The following CLEC12A variants were observed in gnomAD, a reference collection of about 807,000 sequenced individuals.
The protein encoded by CLEC12A is C-type lectin domain family 12 member A.
CLEC12A carries 22 observed loss-of-function variants against 26.5 expected under a neutral mutation model. The ratio of observed to expected loss-of-function variants is 0.83; its 90% CI spans 0.59 to 1.19. The LOEUF (loss-of-function observed/expected upper bound fraction) is 1.19. Ranked by LOEUF, CLEC12A falls within the 50% of genes most tolerant of loss-of-function variation. The probability of loss-of-function intolerance (pLI) is 0.00; values close to 1 mark genes in which losing one functional copy is unlikely to be tolerated. For missense variants in CLEC12A, 353 were observed against 315.6 expected, an observed-to-expected ratio of 1.12 and a Z score of -0.90; for synonymous variants, 119 against 101.9, an observed-to-expected ratio of 1.17 and a Z score of -1.01.
downstream of CLEC12A, chr12:9,999,304 GAACACAAA>G: frequency 2.4e-6 from 1 of 412,862 alleles, no homozygotes; most frequent in Non-Finnish European, 4.3e-6. Flanking sequence ...CATGGACCTT[GAACACAAA>G]AACACAAAAA....
chr12:9,988,747 C>T (rs1234904531), downstream of CLEC12A, among the ~76,000 whole-genome samples: 3 of 152,182 alleles, frequency 2.0e-5, no homozygotes, highest in South Asian at 4.1e-4. Context: ...GAAATAGGAA[C>T]ACTTTTACAC....
chr12:9,996,350 G>A (rs1446577670), downstream of CLEC12A, among the ~76,000 whole-genome samples: 1 of 152,052 alleles, frequency 6.6e-6, no homozygotes, highest in Non-Finnish European at 1.5e-5. Flanking sequence ...CTTCAACCTG[G>A]CATCTGCCTA....
At chr12:9,957,695 A>G (rs1863765790) in intron 1 of CLEC12A, among the ~76,000 whole-genome samples, 1 of 152,188 alleles carries the variant, frequency 6.6e-6, no homozygotes, top group African/African-American at 2.4e-5. Context: ...GCAATCAGAT[A>G]TGCATTTGTT....
chr12:9,970,248 T>A (rs942936671), upstream of CLEC12A, among the ~76,000 whole-genome samples: 2 of 152,126 alleles, frequency 1.3e-5, no homozygotes, highest in African/African-American at 4.8e-5. Context: ...AGTTTTAAAA[T>A]TTTTTTGTTC....
At chr12:10,000,960 A>G in the CLEC12A span, among the ~76,000 whole-genome samples, 1 of 152,242 alleles carries the variant, frequency 6.6e-6, no homozygotes, top group African/African-American at 2.4e-5. Context: ...AACAGAGAGA[A>G]AAGAAAATGT....
intron 1 of CLEC12A, among the ~76,000 whole-genome samples, chr12:9,966,148 G>T (rs12231872): frequency 7.5e-4 from 114 of 152,084 alleles, no homozygotes; most frequent in African/African-American, 2.3e-3. Flanking sequence ...TTAGAAGCCT[G>T]GCCATCAGTA....
intron 1 of CLEC12A, among the ~76,000 whole-genome samples, chr12:9,975,203 G>A (rs1176454848): frequency 8.5e-5 from 13 of 152,178 alleles, no homozygotes; most frequent in African/African-American, 2.2e-4. Context: ...AGAGTAGGGC[G>A]CTGCTGTAAA....
downstream of CLEC12A, among the ~76,000 whole-genome samples, chr12:9,996,146 T>C (rs1865041159): frequency 6.6e-6 from 1 of 152,214 alleles, no homozygotes; most frequent in African/African-American, 2.4e-5. Context: ...AGATATTGTG[T>C]GAAAGTCACA....
chr12:9,984,843 A>G, intron 5 of CLEC12A, 27 bp from the exon 6 acceptor site: 1 of 1,404,034 alleles, frequency 7.1e-7, no homozygotes, highest in Non-Finnish European at 9.3e-7. Context: ...TGACTTGCCA[A>G]GTGTAATTCT....
chr12:9,979,148 G>T, intron 2 of CLEC12A, 84 bp downstream of exon 2: 2 of 1,196,736 alleles, frequency 1.7e-6, no homozygotes, highest in Non-Finnish European at 2.5e-6. Flanking sequence ...TTCAGTGGAA[G>T]ATTTATAATA....
downstream of CLEC12A, among the ~76,000 whole-genome samples, chr12:9,987,714 T>C (rs191808659): frequency 1.2e-3 from 177 of 152,326 alleles, no homozygotes; most frequent in African/African-American, 4.1e-3. Context: ...ACATCTTAAA[T>C]TTTATAATTC....
chr12:9,983,470 C>T (rs367586170), intron 5 of CLEC12A: 15 of 689,748 alleles, frequency 2.2e-5, no homozygotes, highest in African/African-American at 3.6e-5. Flanking sequence ...AAAGTCTTTA[C>T]ATATAAAAAT....
intron 5 of CLEC12A, 92 bp from the exon 6 acceptor site, chr12:9,984,778 A>G: frequency 2.6e-6 from 3 of 1,173,778 alleles, no homozygotes; most frequent in Non-Finnish European, 3.4e-6. Flanking sequence ...AGTCTAGGGC[A>G]ATAATATCAT....
chr12:10,002,865 A>G, the CLEC12A span, among the ~76,000 whole-genome samples: 1 of 152,242 alleles, frequency 6.6e-6, no homozygotes, highest in African/African-American at 2.4e-5. Flanking sequence ...TTAAGGCTGA[A>G]TAATGAGTTA....
In CLEC12A at chr12:9,980,700, CA is replaced by C; in HGVS notation, c.499del (p.Ser167AlafsTer3). 1 of 1,613,594 alleles carries C rather than the reference CA, an allele frequency of 6.2e-7. No individual in the cohort carries two copies. Among genetic ancestry groups the C allele is most frequent in the Non-Finnish European group, 8.5e-7 (1 of 1,179,734 alleles). On this transcript the variant is annotated frameshift_variant, in exon 4 of 6. Coordinates refer to ENST00000304361, the MANE Select transcript of CLEC12A (RefSeq NM_138337.6). LOFTEE classifies it high-confidence loss of function. ...SKMACAAQNA[S>X]LLKINNKNAL... ...AAATGGCCTGTGCTGCTCAGAATGC[CA>C]GCCTGTTGAAGATAAACAACAAAAA...
At chr12:9,971,990 A>T (rs1025654662) in intron 1 of CLEC12A, among the ~76,000 whole-genome samples, 5 of 151,930 alleles carry the variant, frequency 3.3e-5, no homozygotes, top group Non-Finnish European at 7.4e-5. Flanking sequence ...TTATTTCTTT[A>T]TGAGATGAAG....
In CLEC12A at chr12:9,980,708, T is replaced by G; in HGVS notation, c.506T>G (p.Leu169Trp). ...MACAAQNASL[L>W]KINNKNALEF... ...TGTGCTGCTCAGAATGCCAGCCTGT[T>G]GAAGATAAACAACAAAAATGCATTG... Residue 169 changes from leucine (L) to tryptophan (W), a missense_variant, in exon 4 of 6, where the codon TTG (leucine) becomes TGG (tryptophan). Physicochemically the swap from Leu to Trp is moderately conservative, Grantham distance 61. Transcript: ENST00000304361. The G allele has an allele frequency of 1.2e-6, 2 of 1,613,678 alleles. No individual in the cohort carries two copies. The highest frequency in any genetic ancestry group is 1.7e-6 in the Non-Finnish European group (2 of 1,179,754).
chr12:9,979,096 AG>A (rs1281215372), intron 2 of CLEC12A, 32 bp downstream of exon 2: 1 of 1,518,174 alleles, frequency 6.6e-7, no homozygotes, highest in Non-Finnish European at 9.1e-7. Context: ...GTCAAGAGGA[AG>A]TATCTAGAAT....
At chr12:9,973,456 A>G (rs1864210668) in intron 1 of CLEC12A, among the ~76,000 whole-genome samples, 1 of 152,134 alleles carries the variant, frequency 6.6e-6, no homozygotes, top group Admixed American at 6.6e-5. Flanking sequence ...CCTGCCTCAA[A>G]CAAATCAAAA....
Sources: allele counts gnomAD v4.1 joint callset (sites outside exome capture counted in the v4.1 genomes callset), GRCh38; gene constraint gnomAD v4.1.1; transcripts MANE v1.5; gene names NCBI Gene and HGNC (gene_info 2026-07-23, HGNC 2026-07-21).